The following VWA2 variants were observed in gnomAD, a reference collection of about 807,000 sequenced individuals.
The protein encoded by VWA2 is von Willebrand factor A domain-containing protein 2.
VWA2 carries 73 observed loss-of-function variants against 70.4 expected under a neutral mutation model. That is an observed-to-expected ratio of 1.04 (90% CI 0.86 to 1.26). The LOEUF (loss-of-function observed/expected upper bound fraction) is 1.26, where lower values mean the gene tolerates loss of function less well. Ranked by LOEUF, VWA2 falls within the 50% of genes most tolerant of loss-of-function variation. The pLI, the probability that VWA2 is intolerant of heterozygous loss-of-function variation, is 0.00. For synonymous variants in VWA2, 407 were observed against 423.3 expected, an observed-to-expected ratio of 0.96 and a Z score of 0.47; for missense variants, 1,011 against 998.5, an observed-to-expected ratio of 1.01 and a Z score of -0.17.
Position 114,281,807 on chromosome 10 carries a change from T to G in VWA2, c.834-709T>G, listed in dbSNP as rs1277846421. 6 of 945,716 alleles carry G rather than the reference T, an allele frequency of 6.3e-6. No homozygotes were observed. In the African/African-American group the frequency reaches 8.9e-5, roughly 14 times the overall value. 58.6% of individuals were successfully genotyped at this position (945,716 alleles called of 1,614,324 possible). A position where few individuals can be genotyped will look rare whatever the true frequency, so the allele number is the denominator to read the frequency against. ...TACAGTTGAAAAGTGAAGATAGAAT[T>G]ACTATACAAAGAGGAAAGTGAAGAC... On this transcript the variant is annotated intron_variant, in intron 8 of 13. Coordinates refer to ENST00000392982, the MANE Select transcript of VWA2 (RefSeq NM_001272046.2).
At chr10:114,239,611 G>C (rs1235067162) in intron 1 of VWA2, 42 bp downstream of exon 1, 1 of 152,290 alleles carries the variant, frequency 6.6e-6, no homozygotes, top group Non-Finnish European at 1.5e-5. Context: ...CCGGGTACCC[G>C]CCAGTGCCGG....
chr10:114,254,481 C>T (rs546018836), intron 3 of VWA2, among the ~76,000 whole-genome samples: 157 of 152,244 alleles, frequency 1.0e-3, no homozygotes, highest in South Asian at 1.7e-3. Flanking sequence ...CACCATATTC[C>T]TTCCTCTTCC....
intron 4 of VWA2, among the ~76,000 whole-genome samples, chr10:114,260,627 A>G (rs1358919725): frequency 6.6e-6 from 1 of 152,192 alleles, no homozygotes; most frequent in African/African-American, 2.4e-5. Context: ...GGCTGCTGAG[A>G]AGGCAGGAGG....
intron 6 of VWA2, among the ~76,000 whole-genome samples, chr10:114,275,181 G>C (rs1259735256): frequency 1.3e-5 from 2 of 152,176 alleles, no homozygotes; most frequent in Non-Finnish European, 2.9e-5. Context: ...GAGAGAGGAA[G>C]AAGATAGAGT....
Position 114,248,745 on chromosome 10 carries a change from G to C in VWA2, c.32G>C (p.Cys11Ser), listed in dbSNP as rs34774573. Residue 11 changes from cysteine (C) to serine (S), a missense_variant, in exon 2 of 14, where the codon TGT (cysteine) becomes TCT (serine). Physicochemically the swap from Cys to Ser is moderately radical, Grantham distance 112. Transcript: ENST00000392982. The part of the protein sequence containing the change: MPPFLLLEAV[C>S]VFLFSRVPPS... ...CCTTTCCTGTTGCTGGAAGCCGTCT[G>C]TGTTTTCCTGTTTTCCAGAGGTAAG... The C allele has an allele frequency of 6.6e-4, 1,057 of 1,613,592 alleles. No individual in the cohort carries two copies. The highest frequency in any genetic ancestry group is 8.3e-4 in the Non-Finnish European group (977 of 1,179,660).
chr10:114,267,598 A>ATT (rs1227410084), intron 5 of VWA2, among the ~76,000 whole-genome samples: 4,968 of 136,698 alleles, frequency 0.036, 248 homozygotes, highest in African/African-American at 0.11. Flanking sequence ...CACCTGGCTA[A>ATT]TTTTTTTTTT....
rs531656092 is a variant in VWA2 at position 114,294,121 on chromosome 10, T to C, written c.*2884T>C. Among the ~76,000 whole-genome samples the C allele has an allele frequency of 5.9e-5, 9 of 152,326 alleles. No individual in the cohort carries two copies. In the South Asian group the frequency reaches 1.7e-3, roughly 28 times the overall value. Reference sequence around the variant, plus strand: ...CAATCATTGAACAACCCTTGATTTTTTTGGATAAACTCTATTTGGTCATTA... The same window carrying C: ...CAATCATTGAACAACCCTTGATTTTCTTGGATAAACTCTATTTGGTCATTA... On this transcript the variant is annotated 3_prime_UTR_variant, in exon 14 of 14. Transcript: ENST00000392982.
chr10:114,272,261 G>C (rs2037726288), intron 5 of VWA2, among the ~76,000 whole-genome samples: 1 of 152,198 alleles, frequency 6.6e-6, no homozygotes, highest in Non-Finnish European at 1.5e-5. Flanking sequence ...GCCCACAAAG[G>C]CCTGGATCAC....
At chr10:114,274,443 G>A (rs2037777447) in intron 6 of VWA2, among the ~76,000 whole-genome samples, 1 of 152,132 alleles carries the variant, frequency 6.6e-6, no homozygotes, top group Non-Finnish European at 1.5e-5. Flanking sequence ...CTCCTAGAGG[G>A]AAGCAGCTGC....
intron 3 of VWA2, 86 bp from the exon 4 acceptor site, chr10:114,254,829 C>G (rs961448699): frequency 1.1e-4 from 165 of 1,558,776 alleles, no homozygotes; most frequent in Non-Finnish European, 1.4e-4. Context: ...GCCTGGCCCA[C>G]CACAAGGCTG....
chr10:114,263,290 C>G (rs1303192780), intron 5 of VWA2, among the ~76,000 whole-genome samples: 2 of 149,496 alleles, frequency 1.3e-5, no homozygotes, highest in African/African-American at 5.0e-5. Context: ...GCTGGGATTA[C>G]AGGTGTGAGC....
intron 5 of VWA2, 50 bp from the exon 6 acceptor site, chr10:114,272,690 C>A: frequency 6.8e-7 from 1 of 1,460,466 alleles, no homozygotes; most frequent in Admixed American, 2.2e-5. Flanking sequence ...CCAACTTCAC[C>A]TCCCCACATC....
chr10:114,284,629 C>T (rs879413686), intron 9 of VWA2, among the ~76,000 whole-genome samples: 3 of 152,236 alleles, frequency 2.0e-5, no homozygotes, highest in African/African-American at 4.8e-5. Context: ...GTTCATCACA[C>T]AGGGCCTTAC....
chr10:114,248,707 T>C lies in VWA2; in HGVS notation c.-7T>C, dbSNP rs777338099. On this transcript the variant is annotated 5_prime_UTR_variant, in exon 2 of 14. Coordinates refer to ENST00000392982, the MANE Select transcript of VWA2 (RefSeq NM_001272046.2). ...TTCTTTTCCTGTGTCCCTGTAGTTA[T>C]ATCAACATGCCCCCTTTCCTGTTGC... The C allele has an allele frequency of 3.1e-6, 5 of 1,612,994 alleles. No individual in the cohort carries two copies. The highest frequency in any genetic ancestry group is 1.7e-5 in the Admixed American group (1 of 59,988).
At chr10:114,262,398 A>G (rs2037463896) in intron 5 of VWA2, among the ~76,000 whole-genome samples, 1 of 151,982 alleles carries the variant, frequency 6.6e-6, no homozygotes, top group South Asian at 2.1e-4. Context: ...GTATATACAT[A>G]CACACATATA....
rs745798743 is a variant in VWA2 at position 114,293,408 on chromosome 10, C to G, written c.*2171C>G. Among the ~76,000 whole-genome samples, 1 of 152,148 alleles carries G rather than the reference C, an allele frequency of 6.6e-6. No homozygotes were observed. The highest frequency in any genetic ancestry group is 1.5e-5 in the Non-Finnish European group (1 of 68,036). Reference sequence around the variant, plus strand: ...GATTGAATTACTTGGATTTAAACAGCAAACTGTGGGCTCTCGACTTACATA... The same window carrying G: ...GATTGAATTACTTGGATTTAAACAGGAAACTGTGGGCTCTCGACTTACATA... On this transcript the variant is annotated 3_prime_UTR_variant, in exon 14 of 14. Coordinates refer to ENST00000392982, the MANE Select transcript of VWA2 (RefSeq NM_001272046.2).
chr10:114,291,343 C>G lies in VWA2; in HGVS notation c.*106C>G. 6 of 1,346,392 alleles carry G rather than the reference C, an allele frequency of 4.5e-6. No homozygotes were observed. Among genetic ancestry groups the G allele is most frequent in the Non-Finnish European group, 6.0e-6 (6 of 1,006,190 alleles). 83.4% of individuals were successfully genotyped at this position (1,346,392 alleles called of 1,614,324 possible). On this transcript the variant is annotated 3_prime_UTR_variant, in exon 14 of 14. Coordinates refer to ENST00000392982, the MANE Select transcript of VWA2 (RefSeq NM_001272046.2). ...CCTACCTTCTGGAATGTCTGTGCCC[C>G]AGGTCCTTAGAATGTCTGCTTCCCG... is the stretch of plus-strand genomic sequence containing the variant.
At chr10:114,290,051 A>G (rs913109434) in intron 12 of VWA2, 189 bp from the exon 13 acceptor site, 2 of 626,276 alleles carry the variant, frequency 3.2e-6, no homozygotes, top group Admixed American at 3.1e-5. Flanking sequence ...TGGACTCTCC[A>G]TGAGTCTGTA....
At chr10:114,251,445 C>A (rs1208416722) in intron 2 of VWA2, among the ~76,000 whole-genome samples, 3 of 152,258 alleles carry the variant, frequency 2.0e-5, no homozygotes, top group African/African-American at 7.2e-5. Flanking sequence ...TCTGTGCTCA[C>A]AGAGCTCCCT....
Sources: gnomAD v4.1 joint callset for allele counts (sites outside exome capture counted in the v4.1 genomes callset) on GRCh38, gnomAD v4.1.1 for gene constraint, MANE v1.5 for transcripts, NCBI Gene and HGNC (gene_info 2026-07-23, HGNC 2026-07-21) for gene names.